Variants in ZNF236 observed in about 807,000 individuals in gnomAD.
ZNF236 encodes the protein regulated by glucose.
Under a neutral mutation model 191.2 loss-of-function variants are expected in ZNF236, and 50 were observed. The observed-to-expected ratio is 0.26, with a 90% CI of 0.21 to 0.33. The LOEUF is 0.33. Among genes scored for constraint, ZNF236 ranks in the 10% least tolerant of loss-of-function variants. ZNF236 has a pLI of 1.00. For synonymous variants in ZNF236, 907 were observed against 928.8 expected, an observed-to-expected ratio of 0.98 and a Z score of 0.43; for missense variants, 1,754 against 2,374.5, an observed-to-expected ratio of 0.74 and a Z score of 5.43.
chr18:76,948,463 CA>C (rs1208543744), intron 27 of ZNF236, among the ~76,000 whole-genome samples: 1 of 152,184 alleles, frequency 6.6e-6, no homozygotes, highest in Non-Finnish European at 1.5e-5. Flanking sequence ...AGACTGCCTT[CA>C]GGTTTGACGA....
chr18:76,968,959 A>G lies in ZNF236; in HGVS notation c.*620A>G, dbSNP rs938141603. The G allele has an allele frequency of 8.1e-6, 8 of 985,854 alleles. No individual in the cohort carries two copies. In the African/African-American group the frequency reaches 1.2e-4, roughly 15 times the overall value. The allele number at this position is 985,854 out of a possible 1,614,324, so 61.1% of individuals were successfully genotyped here. On this transcript the variant is annotated 3_prime_UTR_variant, in exon 31 of 31. Coordinates refer to ENST00000320610, the MANE Select transcript of ZNF236 (RefSeq NM_001306089.2). ...AAATGTTTAATCATTAGTTACAAGA[A>G]TGCAGTATCTGGGGCGTCAACATGG...
At position 76,959,581 on chromosome 18, in the gene ZNF236, T is replaced by G. The variant is rs1968610427; in HGVS notation, c.5113-106T>G. 5 of 1,344,786 alleles carry G rather than the reference T, an allele frequency of 3.7e-6. No individual in the cohort carries two copies. In the East Asian group the frequency reaches 1.2e-4, roughly 33 times the overall value. 83.3% of individuals were successfully genotyped at this position (1,344,786 alleles called of 1,614,324 possible). A position where few individuals can be genotyped will look rare whatever the true frequency, so the allele number is the denominator to read the frequency against. Reference sequence around the variant, plus strand: ...ACAAATCACAGATTAGCCTTTGATTTTGTCCTTGCCACTGACTTGAACTTT... The same window carrying G: ...ACAAATCACAGATTAGCCTTTGATTGTGTCCTTGCCACTGACTTGAACTTT... On this transcript the variant is annotated intron_variant, in intron 28 of 30. Coordinates refer to ENST00000320610, the MANE Select transcript of ZNF236 (RefSeq NM_001306089.2).
At chr18:76,935,972 T>C (rs1470814424) in intron 25 of ZNF236, 1 of 456,962 alleles carries the variant, frequency 2.2e-6, no homozygotes, top group South Asian at 1.5e-5. Context: ...GTTCTACTGC[T>C]TTTGAAGGTT....
chr18:76,855,398 C>A, intron 3 of ZNF236, among the ~76,000 whole-genome samples: 1 of 152,204 alleles, frequency 6.6e-6, no homozygotes, highest in Non-Finnish European at 1.5e-5. Context: ...AAACAACTTT[C>A]ATTAGCAGTT....
chr18:76,971,965 G>A lies in ZNF236; in HGVS notation c.*3626G>A, dbSNP rs554698437. Reference sequence around the variant, plus strand: ...AAAAAAGTTAATCCAAGGATTGATCGTTGCGAATGTATCCCTTTTCCAAGA... The same window carrying A: ...AAAAAAGTTAATCCAAGGATTGATCATTGCGAATGTATCCCTTTTCCAAGA... On this transcript the variant is annotated 3_prime_UTR_variant, in exon 31 of 31. Transcript: ENST00000320610. 1.3e-5 allele frequency among the ~76,000 whole-genome samples: 2 copies of A among 152,250 alleles called. No homozygotes were observed. The highest frequency in any genetic ancestry group is 6.5e-5 in the Admixed American group (1 of 15,284).
At position 76,925,437 on chromosome 18, in the gene ZNF236, T is replaced by G; in HGVS notation, c.3910T>G (p.Ser1304Ala). 2 of 1,614,148 alleles carry G rather than the reference T, an allele frequency of 1.2e-6. No individual in the cohort carries two copies. The highest frequency in any genetic ancestry group is 2.7e-5 in the African/African-American group (2 of 75,022). ...GLQPVNLLNS[S>A]STDPNVFIMN... ...GCAGCCTGTAAACCTCCTCAACTCC[T>G]CCTCTACTGACCCAAACGTGTTTAT... is the stretch of plus-strand genomic sequence containing the variant. The change falls in exon 22 of 31, where the codon TCC (serine) becomes GCC (alanine). Residue 1304 changes from serine to alanine, a missense_variant. By Grantham distance (99) the Ser-to-Ala change is moderately conservative. Around this residue, in one of 5 missense-constraint regions of ZNF236, gnomAD observed 606 missense variants for 761.5 expected, o/e 0.80. Transcript: ENST00000320610. The surrounding 1 kb of genome is among the most constrained non-coding windows in gnomAD (Gnocchi z 5.7).
intron 9 of ZNF236, among the ~76,000 whole-genome samples, chr18:76,883,030 C>T (rs538828626): frequency 1.6e-4 from 25 of 152,324 alleles, no homozygotes; most frequent in African/African-American, 5.8e-4. Context: ...CAGACCTTCT[C>T]CTTCCTGAGA....
At position 76,828,964 on chromosome 18, in the gene ZNF236, T is replaced by C. The variant is rs543269888; in HGVS notation, c.55+6302T>C. 1.6e-4 allele frequency among the ~76,000 whole-genome samples: 22 copies of C among 135,244 alleles called. No homozygotes were observed. In the South Asian group the frequency reaches 3.2e-3, roughly 20 times the overall value. The allele number at this position is 135,244 out of a possible 152,430, so 88.7% of individuals were successfully genotyped here. A position where few individuals can be genotyped will look rare whatever the true frequency, so the allele number is the denominator to read the frequency against. On this transcript the variant is annotated intron_variant, in intron 1 of 30. Transcript: ENST00000320610. ...CATGTGTGAGCCACCGTGGAGTCTT[T>C]AGTAATTTGAAGGAAGTGTGATTAG...
At chr18:76,930,324 T>C (rs1299044248) in intron 25 of ZNF236, among the ~76,000 whole-genome samples, 1 of 152,238 alleles carries the variant, frequency 6.6e-6, no homozygotes, top group African/African-American at 2.4e-5. Context: ...CTTTTGAATC[T>C]TTTTCTCTCT....
chr18:76,905,449 C>T, intron 13 of ZNF236, 34 bp downstream of exon 13: 1 of 1,586,426 alleles, frequency 6.3e-7, no homozygotes, highest in Non-Finnish European at 8.6e-7. Flanking sequence ...TTTTTATCAT[C>T]TTTATAATTT....
rs997223014 is a variant in ZNF236 at position 76,851,761 on chromosome 18, T to G, written c.199-14T>G. On this transcript the variant is annotated splice_polypyrimidine_tract_variant and intron_variant, in intron 2 of 30. Transcript: ENST00000320610. ...TTGTATTTCAGTGGCTTCTTCACTT[T>G]TCTCTCCAAATAGCCACATCGATGT... 1 of 1,596,154 alleles carries G rather than the reference T, an allele frequency of 6.3e-7. No individual in the cohort carries two copies. Among genetic ancestry groups the G allele is most frequent in the Non-Finnish European group, 8.5e-7 (1 of 1,172,470 alleles).
chr18:76,823,506 A>T (rs1974927001), intron 1 of ZNF236, among the ~76,000 whole-genome samples: 1 of 151,622 alleles, frequency 6.6e-6, no homozygotes, highest in African/African-American at 2.4e-5. Context: ...TGCATACAGT[A>T]GGCATCAGTG....
intron 30 of ZNF236, among the ~76,000 whole-genome samples, chr18:76,966,534 A>G (rs17060158): frequency 0.028 from 4,269 of 152,246 alleles, 151 homozygotes; most frequent in African/African-American, 0.087. Flanking sequence ...TCAGAGGCCC[A>G]GAATAGCATC....
intron 3 of ZNF236, among the ~76,000 whole-genome samples, chr18:76,856,919 G>A (rs1401097363): frequency 1.3e-5 from 2 of 152,212 alleles, no homozygotes; most frequent in East Asian, 1.9e-4. Context: ...TATTCCACAC[G>A]TCTGGAACAT....
chr18:76,953,154 T>C lies in ZNF236; in HGVS notation c.4915-2831T>C, dbSNP rs77391035. On this transcript the variant is annotated intron_variant, in intron 27 of 30. Coordinates refer to ENST00000320610, the MANE Select transcript of ZNF236 (RefSeq NM_001306089.2). ...GAGAGCCATTGACAGACTGCCCCCT[T>C]ACTCAGCCTGTCTTTACTAAAACGA... Among the ~76,000 whole-genome samples, 173 of 152,348 alleles carry C rather than the reference T, an allele frequency of 1.1e-3. 2 individuals carry two copies. Among genetic ancestry groups the C allele is most frequent in the Admixed American group, 2.4e-3 (36 of 15,306 alleles).
At position 76,910,070 on chromosome 18, in the gene ZNF236, G is replaced by A. The variant is rs1374839802; in HGVS notation, c.2554G>A (p.Gly852Arg). 1.9e-6 allele frequency: 3 copies of A among 1,608,372 alleles called. No individual in the cohort carries two copies. Among genetic ancestry groups the A allele is most frequent in the African/African-American group, 1.3e-5 (1 of 74,854 alleles). The change falls in exon 15 of 31, where the codon GGG becomes AGG. Residue 852 changes from glycine (G) to arginine (R), a missense_variant and splice_region_variant. Transcript: ENST00000320610. ...CCTTTTTTACATCTCATCCTCAGATGGGTTTGTGGCTCCACAGGACCCTCT... is the reference window on the plus strand; with the variant it reads ...CCTTTTTTACATCTCATCCTCAGATAGGTTTGTGGCTCCACAGGACCCTCT... ...ADQPLEADED[G>R]FVAPQDPLRG...
intron 11 of ZNF236, among the ~76,000 whole-genome samples, chr18:76,902,305 C>G (rs1977616210): frequency 6.6e-6 from 1 of 152,142 alleles, no homozygotes; most frequent in South Asian, 2.1e-4. Context: ...CTGTCATAAT[C>G]TTTGGGGGAC....
Position 76,868,813 on chromosome 18 carries a change from C to A in ZNF236, c.492C>A (p.Phe164Leu). The change falls in exon 4 of 31, where the codon TTC becomes TTA. Residue 164 changes from phenylalanine (F) to leucine (L), a missense_variant. Phe to Leu is a conservative substitution (Grantham distance 22). Coordinates refer to ENST00000320610, the MANE Select transcript of ZNF236 (RefSeq NM_001306089.2). Reference sequence around the variant, plus strand: ...CCTGCAAGGCCTGCAAGAAAGAGTTCGAGACCTCCTCGGAGCTGAAGGAAC... The same window carrying A: ...CCTGCAAGGCCTGCAAGAAAGAGTTAGAGACCTCCTCGGAGCTGAAGGAAC... ...QHACKACKKEFETSSELKEHM... is the reference protein window; with the variant it reads ...QHACKACKKELETSSELKEHM... The A allele has an allele frequency of 6.2e-7, 1 of 1,613,604 alleles. No homozygotes were observed. Among genetic ancestry groups the A allele is most frequent in the South Asian group, 1.1e-5 (1 of 91,036 alleles).
rs188104942 is a variant in ZNF236 at position 76,843,636 on chromosome 18, C to T, written c.56-5890C>T. 1.3e-4 allele frequency among the ~76,000 whole-genome samples: 19 copies of T among 151,408 alleles called. No individual in the cohort carries two copies. In the East Asian group the frequency reaches 3.3e-3, roughly 26 times the overall value. ...ACTAAAAATACAAAAATTAGCCCGG[C>T]ATGGTGGCGTGCGCCTGTAGTCCCA... is the stretch of plus-strand genomic sequence containing the variant. On this transcript the variant is annotated intron_variant, in intron 1 of 30. Transcript: ENST00000320610.
Sources: gnomAD v4.1 joint callset for allele counts (sites outside exome capture counted in the v4.1 genomes callset) on GRCh38, gnomAD v4.1.1 for gene constraint, gnomAD v4.1.1 regional missense constraint, Gnocchi (gnomAD v3.1) non-coding constraint, MANE v1.5 for transcripts, NCBI Gene and HGNC (gene_info 2026-07-23, HGNC 2026-07-21) for gene names.